The following SMCHD1 variants were observed in gnomAD, a reference collection of about 807,000 sequenced individuals.
The protein encoded by SMCHD1 is structural maintenance of chromosomes flexible hinge domain-containing protein 1.
Under a neutral mutation model 254.7 loss-of-function variants are expected in SMCHD1, and 78 were observed. The ratio of observed to expected loss-of-function variants is 0.31; its 90% CI spans 0.26 to 0.37. SMCHD1 has a LOEUF of 0.37. Ranked by LOEUF, SMCHD1 falls within the 10% of genes least tolerant of loss-of-function variation. The pLI, the probability that SMCHD1 is intolerant of heterozygous loss-of-function variation, is 1.00. For synonymous variants in SMCHD1, 766 were observed against 794.9 expected (o/e 0.96, Z 0.61); for missense variants, 1,840 against 2,408.1 (o/e 0.76, Z 4.94).
At chr18:2,753,390 A>T (rs2075612410) in intron 34 of SMCHD1, among the ~76,000 whole-genome samples, 1 of 152,184 alleles carries the variant, frequency 6.6e-6, no homozygotes, top group South Asian at 2.1e-4. Context: ...TTGCATTTTC[A>T]ATTTTGGGCT....
At chr18:2,798,456 T>C (rs145398419) in intron 47 of SMCHD1, among the ~76,000 whole-genome samples, 1 of 152,320 alleles carries the variant, frequency 6.6e-6, no homozygotes, top group East Asian at 1.9e-4. Flanking sequence ...AAATCCCTTA[T>C]TGGTCATCAT....
chr18:2,788,236 A>G (rs1005513892), intron 45 of SMCHD1, among the ~76,000 whole-genome samples: 6 of 152,232 alleles, frequency 3.9e-5, no homozygotes, highest in African/African-American at 7.2e-5. Context: ...CATGATTAGT[A>G]TAAGAGCAAA....
At chr18:2,793,671 AGAAAG>A (rs1568403345) in intron 45 of SMCHD1, among the ~76,000 whole-genome samples, 1 of 124,554 alleles carries the variant, frequency 8.0e-6, no homozygotes, top group Non-Finnish European at 1.7e-5. Context: ...AAAAAAAAAA[AGAAAG>A]AAAACATTGC....
chr18:2,750,546 A>G, intron 32 of SMCHD1, 39 bp downstream of exon 32: 2 of 1,519,304 alleles, frequency 1.3e-6, no homozygotes, highest in Non-Finnish European at 1.8e-6. Context: ...TATAATGATA[A>G]TTTGCTTTGT....
chr18:2,659,860 G>T (rs1350244022), intron 1 of SMCHD1, among the ~76,000 whole-genome samples: 3 of 151,804 alleles, frequency 2.0e-5, no homozygotes, highest in Admixed American at 2.0e-4. Flanking sequence ...TGACTAGTTT[G>T]CAGAGTTTCA....
rs1212322220 is a variant in SMCHD1 at position 2,747,653 on chromosome 18, T to C, written c.3927+6T>C. 3.2e-6 allele frequency: 5 copies of C among 1,561,408 alleles called. No individual in the cohort carries two copies. The highest frequency in any genetic ancestry group is 4.3e-6 in the Non-Finnish European group (5 of 1,150,886). ...CAAAAGCTAGCAATTTAAAGGTAAG[T>C]TTTAAACTTCCTTACATCTTCATTT... On this transcript the variant is annotated splice_donor_region_variant and intron_variant, in intron 30 of 47. Coordinates refer to ENST00000320876, the MANE Select transcript of SMCHD1 (RefSeq NM_015295.3).
chr18:2,667,731 T>A (rs1159715817), intron 3 of SMCHD1, among the ~76,000 whole-genome samples: 1 of 152,190 alleles, frequency 6.6e-6, no homozygotes, highest in African/African-American at 2.4e-5. Context: ...TCAGACCTTT[T>A]CATATTATTT....
intron 1 of SMCHD1, among the ~76,000 whole-genome samples, chr18:2,665,680 A>G (rs185539886): frequency 5.4e-4 from 82 of 152,270 alleles, no homozygotes; most frequent in Middle Eastern, 3.4e-3. Flanking sequence ...ATGGACCTGT[A>G]TGTCTTACAA....
At chr18:2,774,939 C>G (rs751851699) in intron 41 of SMCHD1, among the ~76,000 whole-genome samples, 1 of 152,206 alleles carries the variant, frequency 6.6e-6, no homozygotes, top group African/African-American at 2.4e-5. Flanking sequence ...CCTTGTTACA[C>G]TGTTGGCACA....
intron 25 of SMCHD1, among the ~76,000 whole-genome samples, chr18:2,736,069 C>G (rs147896048): frequency 0.014 from 2,105 of 152,212 alleles, 25 homozygotes; most frequent in Non-Finnish European, 0.024. Flanking sequence ...ACACATAGAC[C>G]AGTGGAGGAG....
chr18:2,797,933 A>C (rs572903703), intron 47 of SMCHD1, among the ~76,000 whole-genome samples: 24 of 152,302 alleles, frequency 1.6e-4, no homozygotes, highest in East Asian at 1.2e-3. Context: ...AAAAGAAAGA[A>C]AATAGGGAAT....
intron 19 of SMCHD1, among the ~76,000 whole-genome samples, chr18:2,719,239 TC>T (rs1339903451): frequency 6.6e-6 from 1 of 151,630 alleles, no homozygotes; most frequent in African/African-American, 2.4e-5. Flanking sequence ...TCTTTTCTTT[TC>T]TTTTCCTCTC....
intron 17 of SMCHD1, among the ~76,000 whole-genome samples, chr18:2,711,777 C>T (rs1010423940): frequency 1.9e-4 from 29 of 152,182 alleles, no homozygotes; most frequent in African/African-American, 6.8e-4. Flanking sequence ...CCACCGCGCC[C>T]GGCCTGGATG....
At chr18:2,748,468 A>G (rs2075511076) in intron 30 of SMCHD1, among the ~76,000 whole-genome samples, 1 of 122,978 alleles carries the variant, frequency 8.1e-6, no homozygotes, top group Non-Finnish European at 1.7e-5. Flanking sequence ...ATCTTGGCTC[A>G]CTGCAACCTC....
intron 45 of SMCHD1, among the ~76,000 whole-genome samples, chr18:2,791,276 A>G (rs2076160251): frequency 1.3e-5 from 2 of 152,252 alleles, no homozygotes; most frequent in Admixed American, 1.3e-4. Context: ...GGAATAACTT[A>G]CATCAAACAA....
intron 34 of SMCHD1, among the ~76,000 whole-genome samples, chr18:2,759,863 C>T (rs72866516): frequency 0.01 from 1,573 of 152,224 alleles, 13 homozygotes; most frequent in Admixed American, 0.018. Context: ...AGCCACTGCG[C>T]CCAGCCTTGT....
chr18:2,762,380 A>C, intron 36 of SMCHD1, 144 bp downstream of exon 36: 3 of 616,872 alleles, frequency 4.9e-6, no homozygotes, highest in Non-Finnish European at 8.1e-6. Flanking sequence ...TTAAATATTT[A>C]TAAATATCTT....
At chr18:2,711,737 C>T (rs892097702) in intron 17 of SMCHD1, among the ~76,000 whole-genome samples, 1 of 152,060 alleles carries the variant, frequency 6.6e-6, no homozygotes, top group African/African-American at 2.4e-5. Context: ...CCGCCTCGGC[C>T]TCCCAAAGTG....
At chr18:2,771,378 G>A (rs990328428) in intron 39 of SMCHD1, among the ~76,000 whole-genome samples, 155 bp from the exon 40 acceptor site, 4 of 152,014 alleles carry the variant, frequency 2.6e-5, no homozygotes, top group Non-Finnish European at 4.4e-5. Context: ...AAGATGTATA[G>A]TTTAATTTTG....
Sources: allele counts gnomAD v4.1 joint callset (sites outside exome capture counted in the v4.1 genomes callset), GRCh38; gene constraint gnomAD v4.1.1; transcripts MANE v1.5; gene names NCBI Gene and HGNC (gene_info 2026-07-23, HGNC 2026-07-21).